The following ZNF280D variants were observed in gnomAD, a reference collection of about 807,000 sequenced individuals.
The protein encoded by ZNF280D is zinc finger protein 280D.
ZNF280D carries 39 observed loss-of-function variants against 94.7 expected under a neutral mutation model. The ratio of observed to expected loss-of-function variants is 0.41; its 90% CI spans 0.32 to 0.54. ZNF280D has a LOEUF of 0.54. Ranked by LOEUF, ZNF280D falls within the 20% of genes least tolerant of loss-of-function variation. ZNF280D has a pLI of 0.22. For synonymous variants in ZNF280D, 398 were observed against 377.6 expected, an observed-to-expected ratio of 1.05 and a Z score of -0.63; for missense variants, 1,090 against 1,149.3, an observed-to-expected ratio of 0.95 and a Z score of 0.75.
At chr15:56,719,330 T>TAA (rs1242302063) in intron 1 of ZNF280D, among the ~76,000 whole-genome samples, 1 of 127,528 alleles carries the variant, frequency 7.8e-6, no homozygotes, top group Non-Finnish European at 1.7e-5. Flanking sequence ...AATGGTTGTT[T>TAA]AAAAAAAAAA....
chr15:56,660,613 T>C (rs1375411038), intron 16 of ZNF280D, among the ~76,000 whole-genome samples: 3 of 152,002 alleles, frequency 2.0e-5, no homozygotes, highest in East Asian at 3.9e-4. Context: ...AATAGCAATA[T>C]AGAAATAAAT....
intron 9 of ZNF280D, among the ~76,000 whole-genome samples, chr15:56,684,596 T>C (rs1383237256): frequency 5.3e-5 from 8 of 149,678 alleles, no homozygotes; most frequent in African/African-American, 2.0e-4. Flanking sequence ...TGAGTAGACA[T>C]TGCAAGGGTG....
chr15:56,657,983 A>G (rs1197611057), intron 17 of ZNF280D, among the ~76,000 whole-genome samples: 2 of 152,192 alleles, frequency 1.3e-5, no homozygotes, highest in African/African-American at 4.8e-5. Context: ...TAAATAAACT[A>G]TGATGTACCT....
chr15:56,659,287 C>G (rs753751109), intron 16 of ZNF280D, among the ~76,000 whole-genome samples: 21 of 150,532 alleles, frequency 1.4e-4, no homozygotes, highest in Non-Finnish European at 3.1e-4. Flanking sequence ...CTTCTATATA[C>G]CCTTTTTAAT....
At chr15:56,662,463 G>A (rs1193645419) in intron 16 of ZNF280D, among the ~76,000 whole-genome samples, 2 of 152,014 alleles carry the variant, frequency 1.3e-5, no homozygotes, top group East Asian at 3.9e-4. Flanking sequence ...TAATGTGCTA[G>A]GTGATATGAT....
chr15:56,724,854 T>C (rs987855813), intron 1 of ZNF280D: 2 of 453,820 alleles, frequency 4.4e-6, no homozygotes, highest in East Asian at 1.4e-4. Context: ...TACCTTTTTC[T>C]ATTCAATAAC....
At chr15:56,661,112 G>A (rs751158995) in intron 16 of ZNF280D, among the ~76,000 whole-genome samples, 38 of 152,124 alleles carry the variant, frequency 2.5e-4, no homozygotes, top group Non-Finnish European at 5.1e-4. Context: ...GTGGTTGCAT[G>A]AAGGAAAGCT....
chr15:56,647,076 A>G (rs1182276062), intron 19 of ZNF280D, among the ~76,000 whole-genome samples: 2 of 152,220 alleles, frequency 1.3e-5, no homozygotes, highest in African/African-American at 2.4e-5. Context: ...TTGCCATGCT[A>G]AAGTGTTCAT....
chr15:56,647,448 C>G (rs754912895), intron 19 of ZNF280D, among the ~76,000 whole-genome samples: 3 of 152,118 alleles, frequency 2.0e-5, no homozygotes, highest in African/African-American at 7.2e-5. Context: ...GTGGTGCTTA[C>G]AGAACATTCA....
At chr15:56,716,055 T>C (rs748097468) in intron 1 of ZNF280D, among the ~76,000 whole-genome samples, 9 of 152,306 alleles carry the variant, frequency 5.9e-5, no homozygotes, top group Non-Finnish European at 8.8e-5. Context: ...CACCATGTTA[T>C]ATAAGGGACT....
chr15:56,657,846 C>T (rs1349267873), intron 17 of ZNF280D, among the ~76,000 whole-genome samples: 1 of 152,034 alleles, frequency 6.6e-6, no homozygotes, highest in African/African-American at 2.4e-5. Flanking sequence ...AGTTATCAAA[C>T]AGACCAGCAA....
At position 56,654,221 on chromosome 15, in the gene ZNF280D, G is replaced by T; in HGVS notation, c.2190C>A (p.Ile730=). 1 of 1,610,508 alleles carries T rather than the reference G, an allele frequency of 6.2e-7. No homozygotes were observed. The highest frequency in any genetic ancestry group is 8.5e-7 in the Non-Finnish European group (1 of 1,178,994). The part of the protein sequence containing the change: ...QVVMQKVSVC[I]PTSEHLSELK... ...ACTCAGAAAGGTGCTCAGAAGTTGG[G>T]ATACAAACAGAAACTGAAATTAGAA... Residue 730 remains isoleucine (I), a synonymous_variant, in exon 19 of 22, where the codon ATC becomes ATA. Coordinates refer to ENST00000267807, the MANE Select transcript of ZNF280D (RefSeq NM_017661.4).
Position 56,704,146 on chromosome 15 carries a change from T to C in ZNF280D, c.150A>G (p.Ile50Met). The C allele has an allele frequency of 6.2e-7, 1 of 1,613,784 alleles. No individual in the cohort carries two copies. The highest frequency in any genetic ancestry group is 8.5e-7 in the Non-Finnish European group (1 of 1,179,912). ...TTGAAATTGCTGGTTTTGAACTTGA[T>C]ATCTCGCCAACAAAGATTGGCTCAT... ...DDDEPIFVGE[I>M]SSSKPAISNI... The change falls in exon 4 of 22, where the codon ATA (isoleucine) becomes ATG (methionine). Residue 50 changes from isoleucine (I) to methionine (M), a missense_variant. This residue lies in a region of ZNF280D where 386 missense variants were observed against 372.0 expected (regional missense o/e 1.04). Transcript: ENST00000267807.
At chr15:56,654,586 G>A in intron 17 of ZNF280D, 83 bp from the exon 18 acceptor site, 1 of 1,303,866 alleles carries the variant, frequency 7.7e-7, no homozygotes, top group Non-Finnish European at 1.0e-6. Context: ...TCCATAATTT[G>A]CTTTTTGTGC....
intron 1 of ZNF280D, 94 bp from the exon 2 acceptor site, chr15:56,707,400 T>G: frequency 9.3e-7 from 1 of 1,072,038 alleles, no homozygotes; most frequent in Non-Finnish European, 1.3e-6. Flanking sequence ...TCAATTATGT[T>G]TGATATATCT....
intron 1 of ZNF280D, among the ~76,000 whole-genome samples, chr15:56,727,025 T>G (rs1301293866): frequency 2.0e-5 from 3 of 152,192 alleles, no homozygotes; most frequent in Non-Finnish European, 4.4e-5. Flanking sequence ...ACTTGGAATT[T>G]CAGGGACAAT....
At chr15:56,636,057 T>A (rs1596318350) in intron 20 of ZNF280D, among the ~76,000 whole-genome samples, 2 of 152,174 alleles carry the variant, frequency 1.3e-5, no homozygotes, top group South Asian at 4.1e-4. Context: ...GCCTGTAAAA[T>A]TGATAATGGT....
chr15:56,708,525 A>G (rs566305398), intron 1 of ZNF280D, among the ~76,000 whole-genome samples: 1 of 152,302 alleles, frequency 6.6e-6, no homozygotes, highest in East Asian at 1.9e-4. Context: ...TAATGTTTTT[A>G]AGTTATCAGG....
intron 9 of ZNF280D, among the ~76,000 whole-genome samples, chr15:56,686,299 G>T (rs148104387): frequency 2.0e-5 from 3 of 152,242 alleles, no homozygotes; most frequent in Admixed American, 2.0e-4. Context: ...CACCATGCCT[G>T]GCTAAGTTCT....
Sources: gnomAD v4.1 joint callset for allele counts (sites outside exome capture counted in the v4.1 genomes callset) on GRCh38, gnomAD v4.1.1 for gene constraint, gnomAD v4.1.1 regional missense constraint, MANE v1.5 for transcripts, NCBI Gene and HGNC (gene_info 2026-07-23, HGNC 2026-07-21) for gene names.